DUSP29: variants seen among roughly 807,000 people sequenced by gnomAD.
DUSP29 encodes atypical dual-specific protein phosphatase.
A neutral mutation model predicts 13.5 loss-of-function variants in DUSP29; 12 were observed. The observed-to-expected ratio is 0.89, with a 90% confidence interval of 0.57 to 1.44. The LOEUF (loss-of-function observed/expected upper bound fraction) is 1.44, where lower values mean the gene tolerates loss of function less well. Among genes scored for constraint, DUSP29 ranks in the 40% most tolerant of loss-of-function variants. DUSP29 has a pLI of 0.00. For synonymous variants in DUSP29, 134 were observed against 128.7 expected (o/e 1.04, Z -0.28); for missense variants, 308 against 301.1 (o/e 1.02, Z -0.17).
At chr10:75,047,732 G>A (rs944056886) in intron 2 of DUSP29, among the ~76,000 whole-genome samples, 3 of 152,110 alleles carry the variant, frequency 2.0e-5, no homozygotes, top group Non-Finnish European at 4.4e-5. Flanking sequence ...TAAATAATAT[G>A]TCGTCTCATG....
At chr10:75,051,742 G>A (rs565832148) in intron 2 of DUSP29, among the ~76,000 whole-genome samples, 2 of 152,334 alleles carry the variant, frequency 1.3e-5, no homozygotes, top group Admixed American at 1.3e-4. Flanking sequence ...TTAAAACTGA[G>A]GCTTTGTGCA....
intron 3 of DUSP29, among the ~76,000 whole-genome samples, chr10:75,042,949 ATAAC>A (rs1472884482): frequency 3.3e-5 from 5 of 152,258 alleles, no homozygotes; most frequent in African/African-American, 1.2e-4. Flanking sequence ...CCCTGCAGCA[ATAAC>A]TGTATATTGT....
intron 2 of DUSP29, among the ~76,000 whole-genome samples, chr10:75,057,602 G>A (rs1313248539): frequency 6.6e-6 from 1 of 152,146 alleles, no homozygotes; most frequent in Non-Finnish European, 1.5e-5. Flanking sequence ...TTAGCACAAT[G>A]CCTGGCATAC....
chr10:75,066,712 G>A (rs532336623), intron 1 of DUSP29, among the ~76,000 whole-genome samples: 4 of 152,206 alleles, frequency 2.6e-5, no homozygotes, highest in African/African-American at 7.2e-5. Flanking sequence ...AGGCAGGAAG[G>A]TGGCCCTCAG....
At chr10:75,064,218 GT>G (rs1342112425) in intron 1 of DUSP29, among the ~76,000 whole-genome samples, 2 of 150,668 alleles carry the variant, frequency 1.3e-5, no homozygotes, top group African/African-American at 4.9e-5. Context: ...TTTTTTTAAA[GT>G]TTTTTTGTAG....
intron 2 of DUSP29, among the ~76,000 whole-genome samples, chr10:75,047,808 G>A (rs1282594559): frequency 6.6e-6 from 1 of 152,132 alleles, no homozygotes; most frequent in Non-Finnish European, 1.5e-5. Flanking sequence ...AAAATCACCT[G>A]TATTTCTACT....
At chr10:75,054,153 G>C (rs1589863057) in intron 2 of DUSP29, among the ~76,000 whole-genome samples, 2 of 152,326 alleles carry the variant, frequency 1.3e-5, no homozygotes, top group South Asian at 4.1e-4. Context: ...TCTGGACTTG[G>C]ACATGAGGTG....
At chr10:75,059,740 G>A (rs893285849) in intron 1 of DUSP29, among the ~76,000 whole-genome samples, 68 of 152,236 alleles carry the variant, frequency 4.5e-4, no homozygotes, top group African/African-American at 1.6e-3. Context: ...AAGACCATTA[G>A]GAACATGTCA....
chr10:75,040,809 C>G (rs1395221472), intron 3 of DUSP29, among the ~76,000 whole-genome samples: 1 of 152,112 alleles, frequency 6.6e-6, no homozygotes, highest in Non-Finnish European at 1.5e-5. Context: ...TGGATTATCT[C>G]CGAGATATTT....
At chr10:75,043,712 G>GA in intron 3 of DUSP29, 85 bp downstream of exon 3, 1 of 1,244,158 alleles carries the variant, frequency 8.0e-7, no homozygotes, top group Admixed American at 2.1e-5. Context: ...GTGGGGCGGG[G>GA]AAGGGGCGGG....
Position 75,043,828 on chromosome 10 carries a change from G to C in DUSP29, c.390C>G (p.Ala130=), listed in dbSNP as rs1402701790. 11 of 1,613,802 alleles carry C rather than the reference G, an allele frequency of 6.8e-6. No individual in the cohort carries two copies. The highest frequency in any genetic ancestry group is 7.6e-6 in the Non-Finnish European group (9 of 1,179,918). ...DLSVFFYPAA[A]FIDRALSDDH... is the part of the protein sequence containing the mutation. The stretch of plus-strand genomic sequence containing the variant: ...CGTCGCTTAGCGCTCTGTCGATGAA[G>C]GCTGCCGCCGGGTAGAAGAAGACAC... Residue 130 remains alanine (A), a synonymous_variant, in exon 3 of 4, where the codon GCC becomes GCG. Coordinates refer to ENST00000338487, the MANE Select transcript of DUSP29 (RefSeq NM_001003892.3).
chr10:75,060,749 G>A (rs10824260), intron 1 of DUSP29, among the ~76,000 whole-genome samples: 50,568 of 151,944 alleles, frequency 0.33, 9,285 homozygotes, highest in East Asian at 0.73. Flanking sequence ...AGAAGAGATG[G>A]TCAGACATCA....
intron 2 of DUSP29, among the ~76,000 whole-genome samples, chr10:75,054,629 G>T (rs1846916275): frequency 6.6e-6 from 1 of 152,120 alleles, no homozygotes; most frequent in Non-Finnish European, 1.5e-5. Flanking sequence ...GGCCTTTGGT[G>T]ACTGCTTTGG....
At chr10:75,059,327 C>T (rs188103474) in intron 1 of DUSP29, among the ~76,000 whole-genome samples, 2 of 152,208 alleles carry the variant, frequency 1.3e-5, no homozygotes, top group East Asian at 3.9e-4. Flanking sequence ...GAGGAATTTG[C>T]AGTGGAATTG....
intron 2 of DUSP29, among the ~76,000 whole-genome samples, chr10:75,050,739 G>A (rs1429351058): frequency 6.6e-6 from 1 of 152,218 alleles, no homozygotes; most frequent in African/African-American, 2.4e-5. Flanking sequence ...TATCGAGTTA[G>A]AGGAATGAGT....
At chr10:75,071,417 G>A (rs933147025) in intron 1 of DUSP29, among the ~76,000 whole-genome samples, 1 of 152,174 alleles carries the variant, frequency 6.6e-6, no homozygotes, top group African/African-American at 2.4e-5. Flanking sequence ...GCTGCTGGAA[G>A]ATGCTCACAG....
chr10:75,068,308 C>T (rs1269974807), intron 1 of DUSP29, among the ~76,000 whole-genome samples: 3 of 152,036 alleles, frequency 2.0e-5, no homozygotes, highest in African/African-American at 7.2e-5. Flanking sequence ...CCCATTTCTA[C>T]AAAAGATAGA....
chr10:75,062,788 C>A (rs1224507042), intron 1 of DUSP29, among the ~76,000 whole-genome samples: 1 of 152,132 alleles, frequency 6.6e-6, no homozygotes, highest in Non-Finnish European at 1.5e-5. Flanking sequence ...ATAGATTCGA[C>A]CCAGAGATTA....
chr10:75,061,874 G>C (rs1312385388), intron 1 of DUSP29, among the ~76,000 whole-genome samples: 1 of 152,212 alleles, frequency 6.6e-6, no homozygotes, highest in African/African-American at 2.4e-5. Context: ...GTGACTGAGG[G>C]GTGAAGGAAT....
Sources: gnomAD v4.1 joint callset for allele counts (sites outside exome capture counted in the v4.1 genomes callset) on GRCh38, gnomAD v4.1.1 for gene constraint, MANE v1.5 for transcripts, NCBI Gene and HGNC (gene_info 2026-07-23, HGNC 2026-07-21) for gene names.